HECTD4: variants seen among roughly 807,000 people sequenced by gnomAD.
HECTD4 encodes the protein probable E3 ubiquitin-protein ligase HECTD4.
HECTD4 carries 114 observed loss-of-function variants against 471.5 expected under a neutral mutation model. The ratio of observed to expected loss-of-function variants is 0.24; its 90% CI spans 0.21 to 0.28. HECTD4 has a LOEUF of 0.28. Among genes scored for constraint, HECTD4 ranks in the 10% least tolerant of loss-of-function variants. HECTD4 has a pLI of 1.00. For synonymous variants in HECTD4, 2,012 were observed against 2,256.0 expected (o/e 0.89, Z 3.07); for missense variants, 3,866 against 5,651.5 (o/e 0.68, Z 10.13).
intron 1 of HECTD4, among the ~76,000 whole-genome samples, chr12:112,334,590 C>G (rs1290062180): frequency 7.0e-6 from 1 of 143,694 alleles, no homozygotes; most frequent in Non-Finnish European, 1.5e-5. Context: ...GTCAGGAGTT[C>G]GAGACCAGCC....
rs977780399 is a variant in HECTD4, at chr12:112,188,148, G to A, written c.9472+2638C>T. 4.6e-5 allele frequency among the ~76,000 whole-genome samples: 7 copies of A among 152,026 alleles called. No individual in the cohort carries two copies. The highest frequency in any genetic ancestry group is 1.7e-4 in the African/African-American group (7 of 41,428). ...CTAAAAATACAAAAAAATTAGCTGG[G>A]CATGGTAGCGGGCGCCTGTATTCCC... On this transcript the variant is annotated intron_variant, in intron 60 of 75. Coordinates refer to ENST00000682272, the MANE Select transcript of HECTD4 (RefSeq NM_001388303.1). This position sits in a 1 kb window ranked among gnomAD's most constrained non-coding sequence, Gnocchi z 4.2.
intron 2 of HECTD4, among the ~76,000 whole-genome samples, chr12:112,317,269 C>A (rs1429165762): frequency 6.6e-6 from 1 of 152,180 alleles, no homozygotes; most frequent in Non-Finnish European, 1.5e-5. Context: ...GATTCACAAA[C>A]CACAGTTTTA....
chr12:112,345,819 C>G (rs958614805), intron 1 of HECTD4, among the ~76,000 whole-genome samples: 36 of 152,064 alleles, frequency 2.4e-4, no homozygotes, highest in South Asian at 1.5e-3. Context: ...GGCGTGAACC[C>G]GGGAGGCAGA....
At chr12:112,192,511 G>A (rs1385253693) in intron 59 of HECTD4, 49 bp downstream of exon 59, 2 of 1,330,044 alleles carry the variant, frequency 1.5e-6, no homozygotes, top group Non-Finnish European at 2.0e-6. Context: ...GAAGGCAAGA[G>A]GAGAATGACT....
chr12:112,257,939 C>T (rs2135596658), intron 20 of HECTD4, among the ~76,000 whole-genome samples: 2 of 151,970 alleles, frequency 1.3e-5, no homozygotes, highest in Non-Finnish European at 1.5e-5. Context: ...CCTGTAATCC[C>T]AGCACTTTGG....
In HECTD4 at chr12:112,162,237, A is replaced by T; in HGVS notation, c.*150T>A. On this transcript the variant is annotated 3_prime_UTR_variant, in exon 76 of 76. Coordinates refer to ENST00000682272, the MANE Select transcript of HECTD4 (RefSeq NM_001388303.1). The surrounding 1 kb of genome is among the most constrained non-coding windows in gnomAD (Gnocchi z 5.2). ...ACAAAGACAAAAGGTTAAGTCTTCC[A>T]GGAGGCCCTGGAATGTGGACGAAAG... The T allele has an allele frequency of 2.6e-6, 2 of 776,616 alleles. No homozygotes were observed. The highest frequency in any genetic ancestry group is 4.2e-6 in the Non-Finnish European group (2 of 477,050). The allele number at this position is 776,616 out of a possible 1,614,324, so 48.1% of individuals were successfully genotyped here.
intron 39 of HECTD4, chr12:112,231,119 C>T (rs367963633): frequency 8.4e-5 from 38 of 451,870 alleles, no homozygotes; most frequent in African/African-American, 6.8e-4. Flanking sequence ...CACAAAACAC[C>T]TCGAACCAAC....
At chr12:112,324,447 TCAAA>T (rs2035701412) in intron 1 of HECTD4, among the ~76,000 whole-genome samples, 1 of 152,006 alleles carries the variant, frequency 6.6e-6, no homozygotes, top group Admixed American at 6.6e-5. Flanking sequence ...TACAACCACA[TCAAA>T]CAAATAATGA....
At position 112,200,673 on chromosome 12, in the gene HECTD4, C is replaced by A. The variant is rs1228379227; in HGVS notation, c.8532G>T (p.Leu2844=). 1 of 1,613,846 alleles carries A rather than the reference C, an allele frequency of 6.2e-7. No homozygotes were observed. Among genetic ancestry groups the A allele is most frequent in the East Asian group, 2.2e-5 (1 of 44,884 alleles). ...AGYRRTATNG[L]VTLDNTNLQI... ...GAAGGTTGGTATTGTCCAGTGTGAC[C>A]AGCCCATTGGTGGCAGTCCTTCGGT... is the stretch of plus-strand genomic sequence containing the variant. The change falls in exon 55 of 76, where the codon CTG becomes CTT. Residue 2844 remains leucine, a synonymous_variant. Transcript: ENST00000682272.
At chr12:112,270,096 G>T in intron 12 of HECTD4, 131 bp downstream of exon 12, 1 of 782,974 alleles carries the variant, frequency 1.3e-6, no homozygotes, top group Non-Finnish European at 2.0e-6. Flanking sequence ...CTAACTCCAG[G>T]ATCAGAAGGT....
Position 112,237,115 on chromosome 12 carries a change from A to T in HECTD4, c.5291-17T>A. The T allele has an allele frequency of 6.5e-7, 1 of 1,534,012 alleles. No individual in the cohort carries two copies. The highest frequency in any genetic ancestry group is 1.2e-5 in the South Asian group (1 of 82,636). On this transcript the variant is annotated splice_polypyrimidine_tract_variant and intron_variant, in intron 34 of 75. Transcript: ENST00000682272. Reference sequence around the variant, plus strand: ...TGGAGCCACCTTCACAGTTAAAGAAAGAAAAAAAGAGATTGGTGAAAACTT... The same window carrying T: ...TGGAGCCACCTTCACAGTTAAAGAATGAAAAAAAGAGATTGGTGAAAACTT...
At position 112,167,391 on chromosome 12, in the gene HECTD4, C is replaced by T. The variant is rs371935875; in HGVS notation, c.12460G>A (p.Glu4154Lys). 127 of 1,613,690 alleles carry T rather than the reference C, an allele frequency of 7.9e-5. No homozygotes were observed. Among genetic ancestry groups the T allele is most frequent in the Non-Finnish European group, 1.0e-4 (122 of 1,179,866 alleles). Reference sequence around the variant, plus strand: ...AGGTCTTGCTCAGGGTCCAAGGGCTCGCCCACCAGCGTCTTCCAGAAGGAG... The same window carrying T: ...AGGTCTTGCTCAGGGTCCAAGGGCTTGCCCACCAGCGTCTTCCAGAAGGAG... ...LPSFWKTLVG[E>K]PLDPEQDLQE... Residue 4154 changes from glutamate (E) to lysine (K), a missense_variant, in exon 72 of 76, where the codon GAG (glutamate) becomes AAG (lysine). Around this residue, in one of 16 missense-constraint regions of HECTD4, gnomAD observed 715 missense variants for 1,087.6 expected, o/e 0.66. Coordinates refer to ENST00000682272, the MANE Select transcript of HECTD4 (RefSeq NM_001388303.1).
At chr12:112,296,960 T>C (rs1353988006) in intron 7 of HECTD4, among the ~76,000 whole-genome samples, 1 of 149,532 alleles carries the variant, frequency 6.7e-6, no homozygotes, top group African/African-American at 2.5e-5. Flanking sequence ...ATTGTGTAGG[T>C]GCAGAGGGTA....
intron 1 of HECTD4, among the ~76,000 whole-genome samples, chr12:112,331,884 G>T (rs1387547850): frequency 1.3e-5 from 2 of 152,124 alleles, no homozygotes; most frequent in Non-Finnish European, 2.9e-5. Flanking sequence ...TTTATATTCT[G>T]CAATGGTCAA....
intron 1 of HECTD4, among the ~76,000 whole-genome samples, chr12:112,332,467 G>T (rs2135716478): frequency 6.6e-6 from 1 of 151,314 alleles, no homozygotes; most frequent in East Asian, 2.0e-4. Flanking sequence ...CTTGAACCCA[G>T]GAGGTGGAGG....
intron 21 of HECTD4, among the ~76,000 whole-genome samples, chr12:112,255,942 G>A (rs886434665): frequency 1.1e-4 from 16 of 152,156 alleles, no homozygotes; most frequent in Non-Finnish European, 1.5e-5. Flanking sequence ...GAAGCCCCAA[G>A]AATTGGGCAG....
intron 1 of HECTD4, among the ~76,000 whole-genome samples, chr12:112,365,113 C>T (rs927351795): frequency 1.3e-5 from 2 of 152,146 alleles, no homozygotes; most frequent in African/African-American, 2.4e-5. Flanking sequence ...ACATAAAACA[C>T]ATATGTAATT....
At chr12:112,167,213 C>A in intron 72 of HECTD4, 104 bp downstream of exon 72, 1 of 1,055,778 alleles carries the variant, frequency 9.5e-7, no homozygotes. Flanking sequence ...CTGTGGGATC[C>A]CAACCCAGCC....
At chr12:112,186,091 G>A (rs2031851458) in intron 60 of HECTD4, among the ~76,000 whole-genome samples, 1 of 151,896 alleles carries the variant, frequency 6.6e-6, no homozygotes, top group South Asian at 2.1e-4. Flanking sequence ...TGATACCTCA[G>A]CCTCCTGAGT....
Sources: allele counts gnomAD v4.1 joint callset (sites outside exome capture counted in the v4.1 genomes callset), GRCh38; gene constraint gnomAD v4.1.1; regional missense constraint gnomAD v4.1.1; non-coding constraint Gnocchi (gnomAD v3.1); transcripts MANE v1.5; gene names NCBI Gene and HGNC (gene_info 2026-07-23, HGNC 2026-07-21).